ZNF236: variants seen among roughly 807,000 people sequenced by gnomAD.
ZNF236 encodes the protein zinc finger protein 236.
ZNF236 carries 50 observed loss-of-function variants against 191.2 expected under a neutral mutation model. That is an observed-to-expected ratio of 0.26 (90% confidence interval 0.21 to 0.33). The LOEUF (loss-of-function observed/expected upper bound fraction) is 0.33, where lower values mean the gene tolerates loss of function less well. Ranked by LOEUF, ZNF236 falls within the 10% of genes least tolerant of loss-of-function variation. The pLI is 1.00. For synonymous variants in ZNF236, 907 were observed against 928.8 expected (o/e 0.98, Z 0.43); for missense variants, 1,754 against 2,374.5 (o/e 0.74, Z 5.43).
In ZNF236 at chr18:76,881,484, G is replaced by T; in HGVS notation, c.1389G>T (p.Met463Ile). Residue 463 changes from methionine to isoleucine, a missense_variant, in exon 9 of 31, where the codon ATG becomes ATT. By Grantham distance (10) the Met-to-Ile change is conservative (BLOSUM62 1). This residue lies in a region of ZNF236 where 126 missense variants were observed against 110.9 expected (regional missense o/e 1.14). Coordinates refer to ENST00000320610, the MANE Select transcript of ZNF236 (RefSeq NM_001306089.2). ...AACTGGATAAAAAAGAAAAAAAAAT[G>T]ATAAAGAAGAAGTCACCGTTTCTAC... is the stretch of plus-strand genomic sequence containing the variant. ...PEKLDKKEKK[M>I]IKKKSPFLPG... 1 of 1,612,392 alleles carries T rather than the reference G, an allele frequency of 6.2e-7. No homozygotes were observed. Among genetic ancestry groups the T allele is most frequent in the Non-Finnish European group, 8.5e-7 (1 of 1,179,622 alleles).
chr18:76,877,510 AG>A (rs1418492003), intron 6 of ZNF236, among the ~76,000 whole-genome samples: 1 of 152,062 alleles, frequency 6.6e-6, no homozygotes, highest in Non-Finnish European at 1.5e-5. Flanking sequence ...AAAAAAAAAA[AG>A]AAAAAAAGAA....
intron 1 of ZNF236, among the ~76,000 whole-genome samples, chr18:76,842,308 GC>G (rs1353548523): frequency 2.7e-5 from 4 of 150,316 alleles, no homozygotes; most frequent in Non-Finnish European, 4.4e-5. Flanking sequence ...TCCTTTACCA[GC>G]CCCCATTCCC....
intron 9 of ZNF236, chr18:76,885,843 G>A (rs915759808): frequency 6.6e-6 from 1 of 152,242 alleles, no homozygotes; most frequent in Non-Finnish European, 1.5e-5. Flanking sequence ...CTGCTTCTGA[G>A]CATATCCTTC....
At chr18:76,943,494 A>G (rs1312924195) in intron 26 of ZNF236, among the ~76,000 whole-genome samples, 2 of 152,200 alleles carry the variant, frequency 1.3e-5, no homozygotes, top group African/African-American at 4.8e-5. Flanking sequence ...AGAAGAAGCA[A>G]TTTACTTATT....
chr18:76,861,631 A>T (rs574027257), intron 3 of ZNF236, among the ~76,000 whole-genome samples: 1 of 152,332 alleles, frequency 6.6e-6, no homozygotes, highest in African/African-American at 2.4e-5. Context: ...AATTGATTTG[A>T]ATATGGCATA....
rs1968880019 is a variant in ZNF236 at position 76,969,905 on chromosome 18, ACTT to A, written c.*1570_*1572del. The A allele has an allele frequency of 6.6e-6, 1 of 152,574 alleles. No homozygotes were observed. The highest frequency in any genetic ancestry group is 2.4e-5 in the African/African-American group (1 of 41,440). The allele number at this position is 152,574 out of a possible 1,614,324, so 9.5% of individuals were successfully genotyped here. ...AGTCAGAAAATTGTTAAATAATATTACTTCTTTTCCAAACTGCTTTGTGTATTG... is the reference window on the plus strand; with the variant it reads ...AGTCAGAAAATTGTTAAATAATATTACTTTTCCAAACTGCTTTGTGTATTG... On this transcript the variant is annotated 3_prime_UTR_variant, in exon 31 of 31. Transcript: ENST00000320610.
chr18:76,826,675 TGTAGTCGCAGCTACTTGGGAGTGCTGA>T (rs1387299870), intron 1 of ZNF236, among the ~76,000 whole-genome samples: 54 of 150,736 alleles, frequency 3.6e-4, no homozygotes, highest in Admixed American at 1.4e-3. Context: ...GGCTGGCGCC[TGTAGTCGCAGCTACTTGGGAGTGCTGA>T]GGCATGAGAA....
chr18:76,901,289 C>A (rs1265791703), intron 11 of ZNF236, among the ~76,000 whole-genome samples: 2 of 152,140 alleles, frequency 1.3e-5, no homozygotes, highest in Non-Finnish European at 2.9e-5. Context: ...AGCACAGATA[C>A]AAATGAGGTA....
chr18:76,867,590 TG>T (rs941411509), intron 3 of ZNF236, among the ~76,000 whole-genome samples: 1 of 152,214 alleles, frequency 6.6e-6, no homozygotes, highest in African/African-American at 2.4e-5. Flanking sequence ...TGACAGGTCA[TG>T]TTTTTTCATG....
chr18:76,907,027 A>G (rs966500442), intron 13 of ZNF236, among the ~76,000 whole-genome samples: 6 of 152,348 alleles, frequency 3.9e-5, no homozygotes, highest in Admixed American at 1.3e-4. Context: ...TGAGACACAC[A>G]TGTGCTTAGG....
At chr18:76,841,995 G>C (rs1975521127) in intron 1 of ZNF236, among the ~76,000 whole-genome samples, 1 of 152,156 alleles carries the variant, frequency 6.6e-6, no homozygotes, top group African/African-American at 2.4e-5. Flanking sequence ...CACTGTGCCT[G>C]GCCCAGCAAC....
At chr18:76,824,454 A>C in intron 1 of ZNF236, 1 of 781,014 alleles carries the variant, frequency 1.3e-6, no homozygotes, top group South Asian at 1.3e-5. Flanking sequence ...AATTTTGATT[A>C]ATGGTTGATG....
chr18:76,925,935 T>C lies in ZNF236; in HGVS notation c.4027+381T>C, dbSNP rs1967664907. On this transcript the variant is annotated intron_variant, in intron 22 of 30. Transcript: ENST00000320610. The surrounding 1 kb of genome is among the most constrained non-coding windows in gnomAD (Gnocchi z 5.7). ...TTCCAGTTGTTCTTGCGTCTCATAG[T>C]GCTTGAGAAGTGTTACATTTTAGCT... is the stretch of plus-strand genomic sequence containing the variant. Among the ~76,000 whole-genome samples the C allele has an allele frequency of 6.6e-6, 1 of 152,246 alleles. No individual in the cohort carries two copies. Among genetic ancestry groups the C allele is most frequent in the African/African-American group, 2.4e-5 (1 of 41,460 alleles).
At chr18:76,831,778 G>A (rs748968085) in intron 1 of ZNF236, among the ~76,000 whole-genome samples, 9 of 152,148 alleles carry the variant, frequency 5.9e-5, no homozygotes, top group South Asian at 2.1e-4. Context: ...AATTTCCATC[G>A]TATGTTTAAT....
At chr18:76,906,697 G>T (rs748425357) in intron 13 of ZNF236, among the ~76,000 whole-genome samples, 167 of 152,190 alleles carry the variant, frequency 1.1e-3, no homozygotes, top group Non-Finnish European at 4.4e-4. Flanking sequence ...TTATTAAGTG[G>T]TATATTGTGC....
chr18:76,934,271 C>T (rs979543397), intron 25 of ZNF236, among the ~76,000 whole-genome samples: 22 of 152,192 alleles, frequency 1.4e-4, no homozygotes, highest in African/African-American at 4.1e-4. Context: ...TGTTGAGATT[C>T]GTGATGCAGG....
intron 27 of ZNF236, among the ~76,000 whole-genome samples, chr18:76,951,725 GTT>G (rs1968415695): frequency 6.6e-6 from 1 of 152,212 alleles, no homozygotes; most frequent in Non-Finnish European, 1.5e-5. Context: ...TTGGCTAATA[GTT>G]TGACACAAGA....
At chr18:76,895,416 G>C (rs1977373593) in intron 10 of ZNF236, 131 bp downstream of exon 10, 1 of 1,286,756 alleles carries the variant, frequency 7.8e-7, no homozygotes, top group Non-Finnish European at 1.1e-6. Context: ...TGCTCACAGG[G>C]ACTGCACAAA....
intron 30 of ZNF236, among the ~76,000 whole-genome samples, chr18:76,967,457 T>A (rs201566967): frequency 1.6e-4 from 1 of 6,294 alleles, no homozygotes; most frequent in African/African-American, 5.1e-4. Context: ...GTGTGCTCTG[T>A]GAGATTTGTG....
Sources: allele counts gnomAD v4.1 joint callset (sites outside exome capture counted in the v4.1 genomes callset), GRCh38; gene constraint gnomAD v4.1.1; regional missense constraint gnomAD v4.1.1; non-coding constraint Gnocchi (gnomAD v3.1); transcripts MANE v1.5; gene names NCBI Gene and HGNC (gene_info 2026-07-23, HGNC 2026-07-21).